SMG1: variants seen among roughly 807,000 people sequenced by gnomAD.
The protein encoded by SMG1 is SMG1 nonsense mediated mRNA decay associated PI3K related kinase.
Under a neutral mutation model 419.9 loss-of-function variants are expected in SMG1, and 22 were observed. The observed-to-expected ratio is 0.05, with a 90% CI of 0.04 to 0.07. The LOEUF (loss-of-function observed/expected upper bound fraction) is 0.07. Ranked by LOEUF, SMG1 falls within the 10% of genes least tolerant of loss-of-function variation. SMG1 has a pLI of 1.00. For synonymous variants in SMG1, 1,538 were observed against 1,553.5 expected (o/e 0.99, Z 0.23); for missense variants, 3,185 against 4,342.0 (o/e 0.73, Z 7.49).
chr16:18,911,012 T>C (rs112136798), intron 1 of SMG1, among the ~76,000 whole-genome samples: 141 of 152,288 alleles, frequency 9.3e-4, no homozygotes, highest in African/African-American at 3.2e-3. Context: ...ACATTCCATT[T>C]ACATTGTACT....
intron 1 of SMG1, chr16:18,899,918 A>T: frequency 2.5e-6 from 2 of 788,306 alleles, no homozygotes; most frequent in Admixed American, 4.4e-5. Flanking sequence ...AAATTTCCCC[A>T]CAACGATCAA....
Position 18,890,854 on chromosome 16 carries a change from G to A in SMG1, c.608+9C>T. On this transcript the variant is annotated intron_variant, in intron 5 of 62. Transcript: ENST00000446231. The stretch of plus-strand genomic sequence containing the variant: ...AGTCATTTAAACTGAACCATTATTA[G>A]TTACTTACCTTTCATTAAGCACGTC... 1.3e-6 allele frequency: 2 copies of A among 1,521,784 alleles called. No homozygotes were observed. Among genetic ancestry groups the A allele is most frequent in the Non-Finnish European group, 1.8e-6 (2 of 1,098,480 alleles). The allele number at this position is 1,521,784 out of a possible 1,614,324, so 94.3% of individuals were successfully genotyped here.
Position 18,859,563 on chromosome 16 carries a change from T to C in SMG1, c.3946A>G (p.Ile1316Val). The change falls in exon 27 of 63, where the codon ATA becomes GTA. Residue 1316 changes from isoleucine (I) to valine (V), a missense_variant. By Grantham distance (29) the Ile-to-Val change is conservative. Coordinates refer to ENST00000446231, the MANE Select transcript of SMG1 (RefSeq NM_015092.5). ...CCGTAAGAGTAAACTTACTCAGTTA[T>C]AGACTGCCACTTCTGATCTTGTTCT... ...PIEQDQKWQS[I>V]TENVVKYLKQ... 1.3e-6 allele frequency: 2 copies of C among 1,553,814 alleles called. No individual in the cohort carries two copies. The highest frequency in any genetic ancestry group is 1.8e-6 in the Non-Finnish European group (2 of 1,130,332).
chr16:18,835,283 A>T, intron 48 of SMG1, 119 bp from the exon 49 acceptor site: 1 of 1,091,300 alleles, frequency 9.2e-7, no homozygotes, highest in East Asian at 2.6e-5. Flanking sequence ...TACATTTTAC[A>T]GATAAAAATG....
intron 1 of SMG1, among the ~76,000 whole-genome samples, chr16:18,912,315 A>G (rs1446925838): frequency 6.6e-6 from 1 of 151,980 alleles, no homozygotes; most frequent in Middle Eastern, 3.2e-3. Flanking sequence ...GACAGAGATA[A>G]CAATAGCAAT....
chr16:18,866,879 T>G (rs2035541071), intron 22 of SMG1, 104 bp from the exon 23 acceptor site: 1 of 755,636 alleles, frequency 1.3e-6, no homozygotes, highest in African/African-American at 1.7e-5. Context: ...CCAAATGTAT[T>G]TAACAATTAT....
At chr16:18,813,497 G>A (rs12931469) in intron 60 of SMG1, among the ~76,000 whole-genome samples, 46,865 of 151,954 alleles carry the variant, frequency 0.31, 7,967 homozygotes, top group Non-Finnish European at 0.39. Context: ...TATATCCTTC[G>A]CCCACTTTTT....
At position 18,838,134 on chromosome 16, in the gene SMG1, A is replaced by T. The variant is rs1353273088; in HGVS notation, c.7293T>A (p.Ala2431=). 6.2e-7 allele frequency: 1 copy of T among 1,613,750 alleles called. No individual in the cohort carries two copies. ...CACCATAGACAGCACCAGCAAACCC[A>T]GCCTCGCCTCCTGCTGTCCAGTCCA... is the stretch of plus-strand genomic sequence containing the variant. ...PLVDWTAGGE[A]GFAGAVYGGG... is the part of the protein sequence containing the mutation. The change falls in exon 45 of 63, where the codon GCT becomes GCA. Residue 2431 remains alanine (A), a synonymous_variant. Coordinates refer to ENST00000446231, the MANE Select transcript of SMG1 (RefSeq NM_015092.5).
chr16:18,915,181 G>T (rs1214857673), intron 1 of SMG1, among the ~76,000 whole-genome samples: 2 of 151,986 alleles, frequency 1.3e-5, no homozygotes, highest in Non-Finnish European at 2.9e-5. Flanking sequence ...CACCATGTTG[G>T]CCAGGATGGT....
rs537063881 is a variant in SMG1, at chr16:18,810,907, C to A, written c.10908+854G>T. Among the ~76,000 whole-genome samples, 3 of 152,182 alleles carry A rather than the reference C, an allele frequency of 2.0e-5. No homozygotes were observed. In the East Asian group the frequency reaches 5.8e-4, roughly 29 times the overall value. On this transcript the variant is annotated intron_variant, in intron 62 of 62. Transcript: ENST00000446231. ...ACTGTGTGTGCATACACACACAGAA[C>A]AATGAAACATGGGAAATTGTTAACT...
intron 23 of SMG1, among the ~76,000 whole-genome samples, chr16:18,865,235 G>A (rs1341529458): frequency 1.3e-5 from 2 of 152,138 alleles, no homozygotes; most frequent in Admixed American, 1.3e-4. Context: ...GTCACTATAT[G>A]GGGCAACTTC....
chr16:18,841,396 T>TC (rs1231685954), intron 41 of SMG1, among the ~76,000 whole-genome samples, 169 bp downstream of exon 41: 1 of 59,778 alleles, frequency 1.7e-5, no homozygotes, highest in African/African-American at 1.2e-4. Context: ...AGACTGTGTC[T>TC]CAAAAAAAAA....
intron 19 of SMG1, 86 bp from the exon 20 acceptor site, chr16:18,869,389 G>A (rs2035691898): frequency 8.4e-7 from 1 of 1,189,522 alleles, no homozygotes; most frequent in Non-Finnish European, 1.2e-6. Flanking sequence ...TAGGAATAAG[G>A]AACTGTAATT....
chr16:18,851,507 T>C (rs1244670138), intron 33 of SMG1, among the ~76,000 whole-genome samples: 1 of 152,238 alleles, frequency 6.6e-6, no homozygotes, highest in African/African-American at 2.4e-5. Flanking sequence ...AACTTACAAT[T>C]TCTGATAAAA....
At chr16:18,878,134 T>A (rs963260986) in intron 11 of SMG1, 1 of 152,148 alleles carries the variant, frequency 6.6e-6, no homozygotes, top group African/African-American at 2.4e-5. Flanking sequence ...CCGGGCGCGG[T>A]GGCTCACGCC....
rs749358460 is a variant in SMG1, at chr16:18,864,769, G to A, written c.3351-625C>T. On this transcript the variant is annotated intron_variant, in intron 23 of 62. Transcript: ENST00000446231. Reference sequence around the variant, plus strand: ...TGGGATTTCAGGCGTGAACCACCGCGCCCAGCCCCAAAGGAGTCTTATTTT... The same window carrying A: ...TGGGATTTCAGGCGTGAACCACCGCACCCAGCCCCAAAGGAGTCTTATTTT... 4.0e-4 allele frequency among the ~76,000 whole-genome samples: 61 copies of A among 152,230 alleles called. 1 individual carries two copies. In the Middle Eastern group the frequency reaches 0.014, roughly 34 times the overall value.
intron 33 of SMG1, among the ~76,000 whole-genome samples, chr16:18,851,188 T>C (rs185669673): frequency 5.6e-4 from 86 of 152,374 alleles, no homozygotes; most frequent in African/African-American, 1.9e-3. Context: ...GAGACTTAGA[T>C]ACGCTGCTGT....
chr16:18,835,216 A>C, intron 48 of SMG1, 52 bp from the exon 49 acceptor site: 1 of 1,520,988 alleles, frequency 6.6e-7, no homozygotes, highest in Non-Finnish European at 8.9e-7. Flanking sequence ...CCCCCAACAT[A>C]CAAAAGAATA....
In SMG1 at chr16:18,829,453, T is replaced by A. The variant is rs774943667; in HGVS notation, c.9436A>T (p.Ile3146Phe). The A allele has an allele frequency of 6.2e-7, 1 of 1,614,026 alleles. No homozygotes were observed. The highest frequency in any genetic ancestry group is 2.2e-5 in the East Asian group (1 of 44,886). ...DLCKKAVEHNIQIGKFSQLVM... is the reference protein window; with the variant it reads ...DLCKKAVEHNFQIGKFSQLVM... ...AGCTGAGAGAACTTCCCTATCTGGA[T>A]GTTATGTTCCACCGCTTTCTTACAG... The change falls in exon 54 of 63, where the codon ATC becomes TTC. Residue 3146 changes from isoleucine (I) to phenylalanine (F), a missense_variant. Physicochemically the swap from Ile to Phe is conservative, Grantham distance 21. This residue lies in a region of SMG1 where 737 missense variants were observed against 846.6 expected (regional missense o/e 0.87). Coordinates refer to ENST00000446231, the MANE Select transcript of SMG1 (RefSeq NM_015092.5).
Sources: allele counts gnomAD v4.1 joint callset (sites outside exome capture counted in the v4.1 genomes callset), GRCh38; gene constraint gnomAD v4.1.1; regional missense constraint gnomAD v4.1.1; transcripts MANE v1.5; gene names NCBI Gene and HGNC (gene_info 2026-07-23, HGNC 2026-07-21).